HMGCLL1: variants seen among roughly 807,000 people sequenced by gnomAD.
HMGCLL1 encodes 3-hydroxymethyl-3-methylglutaryl-CoA lyase, cytoplasmic.
A neutral mutation model predicts 39.1 loss-of-function variants in HMGCLL1; 36 were observed. That is an observed-to-expected ratio of 0.92 (90% CI 0.71 to 1.22). HMGCLL1 has a LOEUF of 1.22. HMGCLL1 is among the 50% of genes most tolerant of loss of function. The pLI is 0.00. For synonymous variants in HMGCLL1, 149 were observed against 144.0 expected (o/e 1.03, Z -0.25); for missense variants, 451 against 416.5 (o/e 1.08, Z -0.72).
chr6:55,529,504 A>G (rs1291939679), intron 3 of HMGCLL1, among the ~76,000 whole-genome samples: 1 of 152,090 alleles, frequency 6.6e-6, no homozygotes, highest in Non-Finnish European at 1.5e-5. Flanking sequence ...CTGTGGAAAA[A>G]AAAGGGTCTT....
chr6:55,551,724 C>A (rs1347133014), intron 1 of HMGCLL1, among the ~76,000 whole-genome samples: 2 of 152,008 alleles, frequency 1.3e-5, no homozygotes, highest in African/African-American at 4.8e-5. Flanking sequence ...TGACACTAAG[C>A]TACCATAAAT....
At chr6:55,590,231 C>A in the HMGCLL1 span, among the ~76,000 whole-genome samples, 1 of 151,700 alleles carries the variant, frequency 6.6e-6, no homozygotes, top group Non-Finnish European at 1.5e-5. Context: ...CAGAACAGAG[C>A]CCTCAGAAAT....
chr6:55,670,986 A>G, the HMGCLL1 span, among the ~76,000 whole-genome samples: 1 of 151,818 alleles, frequency 6.6e-6, no homozygotes, highest in East Asian at 1.9e-4. Flanking sequence ...TAGTAGCTAT[A>G]TTAATACCAG....
chr6:55,583,393 T>C (rs1581976042), upstream of HMGCLL1, among the ~76,000 whole-genome samples: 1 of 151,606 alleles, frequency 6.6e-6, no homozygotes, highest in Non-Finnish European at 1.5e-5. Flanking sequence ...CCCCTTCCTA[T>C]GTCCGTGTGT....
the HMGCLL1 span, among the ~76,000 whole-genome samples, chr6:55,642,703 G>T: frequency 6.6e-6 from 1 of 151,982 alleles, no homozygotes; most frequent in Non-Finnish European, 1.5e-5. Context: ...TGTGTCACGG[G>T]GTTTTGTTGT....
chr6:55,472,364 G>A (rs1765084944), intron 7 of HMGCLL1, among the ~76,000 whole-genome samples: 2 of 151,520 alleles, frequency 1.3e-5, no homozygotes, highest in African/African-American at 4.8e-5. Context: ...ACATTTCTCT[G>A]ATGACTAGTG....
At chr6:55,604,587 A>C in the HMGCLL1 span, among the ~76,000 whole-genome samples, 1 of 152,148 alleles carries the variant, frequency 6.6e-6, no homozygotes, top group Non-Finnish European at 1.5e-5. Context: ...AATAGAATGA[A>C]AAACAATGGA....
the HMGCLL1 span, among the ~76,000 whole-genome samples, chr6:55,608,633 A>T: frequency 6.6e-6 from 1 of 151,966 alleles, no homozygotes; most frequent in South Asian, 2.1e-4. Flanking sequence ...CAATGTGTGT[A>T]TGAAAATTAA....
At chr6:55,643,276 CT>C in the HMGCLL1 span, among the ~76,000 whole-genome samples, 6 of 152,004 alleles carry the variant, frequency 3.9e-5, no homozygotes, top group Non-Finnish European at 8.8e-5. Flanking sequence ...TAAGTGTCCC[CT>C]TTTCTCCGCA....
rs1763307108 is a variant in HMGCLL1 at position 55,434,836 on chromosome 6, A to C, written c.*826T>G. 1 of 152,112 alleles carries C rather than the reference A, an allele frequency of 6.6e-6. No individual in the cohort carries two copies. The highest frequency in any genetic ancestry group is 6.6e-5 in the Admixed American group (1 of 15,230). The allele number at this position is 152,112 out of a possible 1,614,324, so 9.4% of individuals were successfully genotyped here. On this transcript the variant is annotated 3_prime_UTR_variant, in exon 9 of 9. Transcript: ENST00000274901. Reference sequence around the variant, plus strand: ...CACAATATTTCCTTGGGCAATTTGAAAGTGATCTGAAAATTATAAAGGTAG... The same window carrying C: ...CACAATATTTCCTTGGGCAATTTGACAGTGATCTGAAAATTATAAAGGTAG...
the HMGCLL1 span, among the ~76,000 whole-genome samples, chr6:55,623,832 A>T: frequency 6.6e-6 from 1 of 151,988 alleles, no homozygotes; most frequent in Admixed American, 6.6e-5. Context: ...TCTACCAGTC[A>T]GGGAATTCTG....
At chr6:55,625,906 G>A in the HMGCLL1 span, among the ~76,000 whole-genome samples, 4 of 152,092 alleles carry the variant, frequency 2.6e-5, no homozygotes, top group South Asian at 2.1e-4. Flanking sequence ...AGGATGACCC[G>A]TTCTGTGGAC....
chr6:55,594,667 C>G, the HMGCLL1 span, among the ~76,000 whole-genome samples: 1 of 152,204 alleles, frequency 6.6e-6, no homozygotes, highest in African/African-American at 2.4e-5. Flanking sequence ...TTGAGATAAG[C>G]AGCTAGGGAC....
intron 7 of HMGCLL1, among the ~76,000 whole-genome samples, chr6:55,441,905 G>A (rs950644455): frequency 1.3e-5 from 2 of 151,922 alleles, no homozygotes; most frequent in Non-Finnish European, 2.9e-5. Flanking sequence ...TGGCCAGGCT[G>A]GCCTCAAACT....
chr6:55,487,927 C>G (rs925773214), intron 7 of HMGCLL1, among the ~76,000 whole-genome samples: 5 of 152,058 alleles, frequency 3.3e-5, no homozygotes, highest in African/African-American at 1.2e-4. Flanking sequence ...TTTGTCTCTG[C>G]TCCTACTGGA....
At chr6:55,622,282 C>T in the HMGCLL1 span, among the ~76,000 whole-genome samples, 1 of 151,980 alleles carries the variant, frequency 6.6e-6, no homozygotes, top group Non-Finnish European at 1.5e-5. Flanking sequence ...TTTCTGATGA[C>T]TCTAGCCAAA....
intron 7 of HMGCLL1, among the ~76,000 whole-genome samples, chr6:55,481,521 T>C (rs1765741004): frequency 6.6e-6 from 1 of 151,852 alleles, no homozygotes. Context: ...CCCATAAATA[T>C]ATATAACTAC....
the HMGCLL1 span, among the ~76,000 whole-genome samples, chr6:55,624,488 C>A: frequency 2.0e-5 from 3 of 152,186 alleles, no homozygotes; most frequent in Non-Finnish European, 4.4e-5. Flanking sequence ...CCTTTACTGT[C>A]CTACCACAGG....
chr6:55,626,141 A>T, the HMGCLL1 span, among the ~76,000 whole-genome samples: 1 of 152,128 alleles, frequency 6.6e-6, no homozygotes, highest in Non-Finnish European at 1.5e-5. Flanking sequence ...TCAGCCAGCT[A>T]CCTGATGGCG....
Sources: allele counts gnomAD v4.1 joint callset (sites outside exome capture counted in the v4.1 genomes callset), GRCh38; gene constraint gnomAD v4.1.1; transcripts MANE v1.5; gene names NCBI Gene and HGNC (gene_info 2026-07-23, HGNC 2026-07-21).